Variants in CEP128 observed in about 807,000 individuals in gnomAD.
The protein encoded by CEP128 is centrosomal protein 128.
A neutral mutation model predicts 156.7 loss-of-function variants in CEP128; 132 were observed. That is an observed-to-expected ratio of 0.84 (90% CI 0.73 to 0.97). The LOEUF (loss-of-function observed/expected upper bound fraction) is 0.97. Among genes scored for constraint, CEP128 ranks in the 50% least tolerant of loss-of-function variants. The pLI is 0.00. For synonymous variants in CEP128, 469 were observed against 448.9 expected (o/e 1.04, Z -0.57); for missense variants, 1,252 against 1,281.9 (o/e 0.98, Z 0.36).
chr14:80,626,833 G>A (rs2140697554), intron 19 of CEP128, among the ~76,000 whole-genome samples: 1 of 152,290 alleles, frequency 6.6e-6, no homozygotes, highest in Admixed American at 6.5e-5. Context: ...GGGAGGCTGA[G>A]GCAGGAGAAT....
In CEP128 at chr14:80,838,297, A is replaced by T. The variant is rs745582461; in HGVS notation, c.850-19T>A. 2 of 1,569,630 alleles carry T rather than the reference A, an allele frequency of 1.3e-6. No homozygotes were observed. Among genetic ancestry groups the T allele is most frequent in the South Asian group, 1.1e-5 (1 of 89,914 alleles). On this transcript the variant is annotated intron_variant, in intron 10 of 24. Transcript: ENST00000555265. ...GTTCAAGCTAGAGTTTCAACAAAGGATAAAGAAAAATGCCCAATGGAGCAG... is the reference window on the plus strand; with the variant it reads ...GTTCAAGCTAGAGTTTCAACAAAGGTTAAAGAAAAATGCCCAATGGAGCAG...
intron 9 of CEP128, among the ~76,000 whole-genome samples, chr14:80,842,998 T>C (rs1301640678): frequency 6.6e-6 from 1 of 151,950 alleles, no homozygotes; most frequent in Non-Finnish European, 1.5e-5. Flanking sequence ...TACTACTGCA[T>C]TTCCTTAGAG....
At chr14:80,906,594 T>A (rs946289964) in intron 4 of CEP128, among the ~76,000 whole-genome samples, 3 of 152,098 alleles carry the variant, frequency 2.0e-5, no homozygotes, top group Admixed American at 1.3e-4. Context: ...AGACTTCAAA[T>A]CCCAGAAAAT....
chr14:80,865,244 G>A (rs1887711435), intron 8 of CEP128, among the ~76,000 whole-genome samples: 1 of 152,142 alleles, frequency 6.6e-6, no homozygotes, highest in Non-Finnish European at 1.5e-5. Context: ...ATTTGTTGCT[G>A]CAAATGACAG....
chr14:80,658,324 A>C (rs943497036), intron 19 of CEP128, among the ~76,000 whole-genome samples: 1 of 152,134 alleles, frequency 6.6e-6, no homozygotes, highest in African/African-American at 2.4e-5. Flanking sequence ...TGTTGTTTTC[A>C]GGCTTTACTG....
intron 19 of CEP128, among the ~76,000 whole-genome samples, chr14:80,673,746 T>C (rs1221607119): frequency 6.6e-6 from 1 of 151,228 alleles, no homozygotes; most frequent in Admixed American, 6.6e-5. Context: ...CTACCTTTGG[T>C]TTTCTTGAAG....
At chr14:80,592,646 T>G (rs1367848663) in intron 19 of CEP128, among the ~76,000 whole-genome samples, 2 of 152,180 alleles carry the variant, frequency 1.3e-5, no homozygotes. Context: ...GTAACTTATT[T>G]TATGAGGCCA....
intron 20 of CEP128, among the ~76,000 whole-genome samples, chr14:80,570,643 G>T (rs1891102378): frequency 1.3e-5 from 2 of 152,156 alleles, no homozygotes; most frequent in African/African-American, 4.8e-5. Flanking sequence ...GAGTGTGTGT[G>T]TGTGTATTTT....
intron 23 of CEP128, among the ~76,000 whole-genome samples, chr14:80,513,037 T>C (rs1888331554): frequency 6.6e-6 from 1 of 152,174 alleles, no homozygotes; most frequent in Admixed American, 6.5e-5. Flanking sequence ...AATGTTCAGA[T>C]TTTTCTGTGT....
intron 14 of CEP128, among the ~76,000 whole-genome samples, chr14:80,790,216 GAAACA>G (rs991852188): frequency 6.6e-6 from 1 of 150,560 alleles, no homozygotes; most frequent in Non-Finnish European, 1.5e-5. Context: ...TTCAGCAGGG[GAAACA>G]AAACAAAACA....
At chr14:80,551,648 T>C (rs1417725202) in intron 21 of CEP128, among the ~76,000 whole-genome samples, 1 of 152,240 alleles carries the variant, frequency 6.6e-6, no homozygotes, top group Non-Finnish European at 1.5e-5. Flanking sequence ...AATAAAATAC[T>C]GCTGCCTTTA....
At chr14:80,912,148 C>T (rs1566711230) in intron 4 of CEP128, among the ~76,000 whole-genome samples, 1 of 148,974 alleles carries the variant, frequency 6.7e-6, no homozygotes, top group Non-Finnish European at 1.5e-5. Context: ...ACCTGGGAGG[C>T]GGAGGTTGCA....
chr14:80,498,510 T>C (rs1325642320), intron 24 of CEP128, among the ~76,000 whole-genome samples: 1 of 152,208 alleles, frequency 6.6e-6, no homozygotes, highest in African/African-American at 2.4e-5. Context: ...CCCGTATCTC[T>C]AGGAGACCAT....
At chr14:80,554,926 A>G (rs911409802) in intron 21 of CEP128, among the ~76,000 whole-genome samples, 28 of 151,906 alleles carry the variant, frequency 1.8e-4, no homozygotes, top group Admixed American at 6.6e-4. Flanking sequence ...GCTCTTTCCG[A>G]AAGAGCCACC....
At chr14:80,537,803 C>T (rs1373812239) in intron 21 of CEP128, among the ~76,000 whole-genome samples, 1 of 152,136 alleles carries the variant, frequency 6.6e-6, no homozygotes, top group Non-Finnish European at 1.5e-5. Context: ...TCTAGATACA[C>T]AGGTCCCAAA....
intron 16 of CEP128, among the ~76,000 whole-genome samples, chr14:80,773,101 A>G (rs1900602793): frequency 6.6e-6 from 1 of 152,228 alleles, no homozygotes; most frequent in Admixed American, 6.5e-5. Flanking sequence ...TTGGGTACCT[A>G]GTAACAAGAA....
intron 9 of CEP128, among the ~76,000 whole-genome samples, chr14:80,858,007 G>A (rs953558339): frequency 5.9e-5 from 9 of 152,034 alleles, no homozygotes; most frequent in Admixed American, 1.3e-4. Context: ...TCCCCATCAA[G>A]CTACCAATGA....
intron 7 of CEP128, among the ~76,000 whole-genome samples, chr14:80,897,114 T>C (rs1453612228): frequency 2.6e-5 from 4 of 152,240 alleles, no homozygotes; most frequent in Non-Finnish European, 2.9e-5. Flanking sequence ...CATTGCTGTA[T>C]ATCCACACAG....
intron 9 of CEP128, among the ~76,000 whole-genome samples, chr14:80,852,620 A>G (rs961781807): frequency 6.6e-6 from 1 of 151,908 alleles, no homozygotes; most frequent in Non-Finnish European, 1.5e-5. Context: ...GAATTACCAA[A>G]TTGACTTAAT....
Sources: gnomAD v4.1 joint callset for allele counts (sites outside exome capture counted in the v4.1 genomes callset) on GRCh38, gnomAD v4.1.1 for gene constraint, MANE v1.5 for transcripts, NCBI Gene and HGNC (gene_info 2026-07-23, HGNC 2026-07-21) for gene names.